EYA3: variants seen among roughly 807,000 people sequenced by gnomAD.
EYA3 encodes the protein EYA transcriptional coactivator and phosphatase 3, also known as protein phosphatase EYA3.
Under a neutral mutation model 80.0 loss-of-function variants are expected in EYA3, and 39 were observed. The observed-to-expected ratio is 0.49, with a 90% CI of 0.38 to 0.64. The LOEUF is 0.64. Among genes scored for constraint, EYA3 ranks in the 30% least tolerant of loss-of-function variants. EYA3 has a pLI of 0.00. For synonymous variants in EYA3, 206 were observed against 232.8 expected (o/e 0.88, Z 1.05); for missense variants, 523 against 676.1 (o/e 0.77, Z 2.51).
At chr1:28,055,273 T>A (rs967626938) in intron 2 of EYA3, among the ~76,000 whole-genome samples, 10 of 152,148 alleles carry the variant, frequency 6.6e-5, no homozygotes, top group Non-Finnish European at 1.0e-4. Context: ...ATTCTCCAAG[T>A]AGAGGCTGTA....
At chr1:28,000,805 G>A (rs1182104478) in intron 11 of EYA3, among the ~76,000 whole-genome samples, 1 of 152,172 alleles carries the variant, frequency 6.6e-6, no homozygotes, top group African/African-American at 2.4e-5. Context: ...GCTCACGCCT[G>A]TAATCCTAGC....
At chr1:27,978,909 C>T (rs1289751392) in intron 16 of EYA3, among the ~76,000 whole-genome samples, 2 of 152,192 alleles carry the variant, frequency 1.3e-5, no homozygotes, top group Non-Finnish European at 2.9e-5. Flanking sequence ...TTGCAGTGAG[C>T]CGAGATCATG....
At chr1:27,990,262 C>A in intron 14 of EYA3, 1 of 183,192 alleles carries the variant, frequency 5.5e-6, no homozygotes, top group South Asian at 1.4e-4. Flanking sequence ...GCGCCCCGGT[C>A]ACATCACCCA....
intron 1 of EYA3, among the ~76,000 whole-genome samples, chr1:28,063,808 C>T (rs1644729883): frequency 6.6e-6 from 1 of 152,158 alleles, no homozygotes; most frequent in South Asian, 2.1e-4. Flanking sequence ...ATTATCTCCT[C>T]TGTACACAAT....
chr1:28,015,505 G>A (rs774497736), intron 8 of EYA3, among the ~76,000 whole-genome samples: 2 of 152,146 alleles, frequency 1.3e-5, no homozygotes, highest in South Asian at 4.1e-4. Flanking sequence ...CTCTGGCCTG[G>A]GTGACAGAGC....
At chr1:28,081,595 G>C (rs984306772) in intron 1 of EYA3, among the ~76,000 whole-genome samples, 1 of 152,094 alleles carries the variant, frequency 6.6e-6, no homozygotes, top group Non-Finnish European at 1.5e-5. Context: ...TTGGTAAAGA[G>C]AGTGAGATTA....
chr1:28,056,707 G>T lies in EYA3; in HGVS notation c.33+1287C>A, dbSNP rs539787010. Among the ~76,000 whole-genome samples the T allele has an allele frequency of 3.3e-5, 5 of 152,208 alleles. No individual in the cohort carries two copies. In the East Asian group the frequency reaches 9.6e-4, roughly 29 times the overall value. On this transcript the variant is annotated intron_variant, in intron 2 of 17. Coordinates refer to ENST00000373871, the MANE Select transcript of EYA3 (RefSeq NM_001990.4). ...AGAGAATGACAAGGAAATGAAGCAG[G>T]GCAGAAGAGATAGATGACTTGTTAG...
At chr1:28,032,273 T>A (rs1643194814) in intron 6 of EYA3, 1 of 152,250 alleles carries the variant, frequency 6.6e-6, no homozygotes, top group Non-Finnish European at 1.5e-5. Context: ...TACACTGTTT[T>A]CTCAAGACCC....
chr1:28,087,044 C>G (rs1206798576), intron 1 of EYA3, among the ~76,000 whole-genome samples: 1 of 152,144 alleles, frequency 6.6e-6, no homozygotes, highest in Non-Finnish European at 1.5e-5. Flanking sequence ...GTGCTCAAAG[C>G]TGTATTTAAG....
At chr1:27,998,031 G>A (rs1358467163) in intron 12 of EYA3, among the ~76,000 whole-genome samples, 3 of 152,070 alleles carry the variant, frequency 2.0e-5, no homozygotes. Flanking sequence ...TCTAATCCAA[G>A]GTTCTTTCCA....
chr1:28,037,379 C>T (rs1400246887), intron 5 of EYA3, among the ~76,000 whole-genome samples: 1 of 152,190 alleles, frequency 6.6e-6, no homozygotes. Flanking sequence ...AACATATTAA[C>T]ATCTCAGTAC....
chr1:28,006,415 A>T (rs1453342515), intron 10 of EYA3, among the ~76,000 whole-genome samples: 1 of 152,094 alleles, frequency 6.6e-6, no homozygotes, highest in Non-Finnish European at 1.5e-5. Flanking sequence ...TATATAAAAA[A>T]TCCATAACTA....
chr1:28,066,012 AAAAAAAC>A (rs560064251), intron 1 of EYA3, among the ~76,000 whole-genome samples: 57 of 152,078 alleles, frequency 3.7e-4, no homozygotes, highest in Admixed American at 1.2e-3. Context: ...GTCTCAAAAA[AAAAAAAC>A]AAAAAAGAGT....
At chr1:28,016,037 A>G (rs1642038301) in intron 8 of EYA3, among the ~76,000 whole-genome samples, 1 of 152,206 alleles carries the variant, frequency 6.6e-6, no homozygotes. Context: ...GGAGGATTAG[A>G]ATCTTTGGTG....
chr1:28,082,113 T>A (rs961329650), intron 1 of EYA3, among the ~76,000 whole-genome samples: 1 of 152,094 alleles, frequency 6.6e-6, no homozygotes, highest in African/African-American at 2.4e-5. Context: ...GGACAAAAGC[T>A]ACTATAAAAA....
At chr1:28,068,399 T>C (rs1644908829) in intron 1 of EYA3, among the ~76,000 whole-genome samples, 1 of 152,104 alleles carries the variant, frequency 6.6e-6, no homozygotes, top group Admixed American at 6.6e-5. Flanking sequence ...TTTTCTTTCA[T>C]TACATCTCTA....
intron 1 of EYA3, among the ~76,000 whole-genome samples, chr1:28,076,588 G>A (rs1449684568): frequency 4.7e-5 from 7 of 149,276 alleles, no homozygotes; most frequent in African/African-American, 1.7e-4. Flanking sequence ...GCACATGCCT[G>A]TAGTCCCAGG....
At chr1:27,997,486 T>C (rs1350008030) in intron 12 of EYA3, 108 bp from the exon 13 acceptor site, 1 of 972,358 alleles carries the variant, frequency 1.0e-6, no homozygotes, top group East Asian at 2.4e-5. Context: ...TGAAATGCCT[T>C]ATGGAATCTC....
intron 1 of EYA3, among the ~76,000 whole-genome samples, chr1:28,059,741 G>T (rs1255954149): frequency 8.3e-5 from 10 of 119,768 alleles, no homozygotes; most frequent in Admixed American, 5.4e-4. Flanking sequence ...TTTTTTTTGA[G>T]ATAGGGTTTC....
Sources: gnomAD v4.1 joint callset for allele counts (sites outside exome capture counted in the v4.1 genomes callset) on GRCh38, gnomAD v4.1.1 for gene constraint, MANE v1.5 for transcripts, NCBI Gene and HGNC (gene_info 2026-07-23, HGNC 2026-07-21) for gene names.